Variants in MRC1 observed in about 807,000 individuals in gnomAD.
The protein encoded by MRC1 is mannose receptor C-type 1.
Under a neutral mutation model 102.9 loss-of-function variants are expected in MRC1, and 62 were observed. That is an observed-to-expected ratio of 0.60 (90% CI 0.49 to 0.74). The LOEUF (loss-of-function observed/expected upper bound fraction) is 0.74, where lower values mean the gene tolerates loss of function less well. Among genes scored for constraint, MRC1 ranks in the 30% least tolerant of loss-of-function variants. The pLI, the probability that MRC1 is intolerant of heterozygous loss-of-function variation, is 0.00. For synonymous variants in MRC1, 457 were observed against 298.4 expected (o/e 1.53, Z -5.48); for missense variants, 1,237 against 862.8 (o/e 1.43, Z -5.43).
At chr10:17,810,230 C>T (rs1302073312) in intron 1 of MRC1, among the ~76,000 whole-genome samples, 1 of 152,152 alleles carries the variant, frequency 6.6e-6, no homozygotes, top group Non-Finnish European at 1.5e-5. Flanking sequence ...TTCTATTTCT[C>T]TATACTCAGT....
intron 3 of MRC1, among the ~76,000 whole-genome samples, chr10:17,832,091 A>G (rs1838582878): frequency 6.6e-6 from 1 of 151,554 alleles, no homozygotes; most frequent in Admixed American, 6.6e-5. Flanking sequence ...GAGCGATAGG[A>G]CCTCAGGTGC....
chr10:17,910,576 T>C lies in MRC1; in HGVS notation c.*111T>C, dbSNP rs1044312360. On this transcript the variant is annotated 3_prime_UTR_variant, in exon 30 of 30. Transcript: ENST00000569591. The stretch of plus-strand genomic sequence containing the variant: ...TAAAATGAGTACTGAATTGTACTGG[T>C]CTGTCCTTTTTTCCTTTGCCTAATT... The C allele has an allele frequency of 3.6e-4, 270 of 748,080 alleles. No individual in the cohort carries two copies. The highest frequency in any genetic ancestry group is 1.8e-3 in the Admixed American group (96 of 53,364). The allele number at this position is 748,080 out of a possible 1,614,324, so 46.3% of individuals were successfully genotyped here.
At chr10:17,901,689 C>CAA (rs35703196) in intron 25 of MRC1, among the ~76,000 whole-genome samples, 20 of 136,944 alleles carry the variant, frequency 1.5e-4, no homozygotes, top group African/African-American at 2.2e-4. Context: ...GACTTCGTCT[C>CAA]AAAAAAAAAA....
intron 1 of MRC1, among the ~76,000 whole-genome samples, chr10:17,822,642 A>C (rs1838413543): frequency 6.6e-6 from 1 of 152,110 alleles, no homozygotes; most frequent in Non-Finnish European, 1.5e-5. Flanking sequence ...AAACAAACAC[A>C]CACCTTTTCT....
At chr10:17,850,342 G>A (rs1838895943) in intron 7 of MRC1, among the ~76,000 whole-genome samples, 1 of 147,074 alleles carries the variant, frequency 6.8e-6, no homozygotes, top group Non-Finnish European at 1.5e-5. Flanking sequence ...GCTCATGCCT[G>A]TAATCCCACC....
chr10:17,827,912 G>A (rs1307311461), intron 3 of MRC1, among the ~76,000 whole-genome samples, 197 bp downstream of exon 3: 4 of 152,176 alleles, frequency 2.6e-5, no homozygotes, highest in Admixed American at 2.6e-4. Flanking sequence ...CTGAAGACTA[G>A]AACACAGATG....
chr10:17,906,012 A>T (rs1833889909), intron 26 of MRC1, among the ~76,000 whole-genome samples: 1 of 152,214 alleles, frequency 6.6e-6, no homozygotes, highest in African/African-American at 2.4e-5. Context: ...CTAAAATTTA[A>T]TGTTGACAAT....
intron 1 of MRC1, among the ~76,000 whole-genome samples, chr10:17,822,084 T>C (rs1280307977): frequency 6.6e-6 from 1 of 152,230 alleles, no homozygotes; most frequent in Non-Finnish European, 1.5e-5. Flanking sequence ...TTTTCCTCTT[T>C]TGCAAGAGGA....
chr10:17,844,793 G>C (rs921311539), intron 5 of MRC1, among the ~76,000 whole-genome samples: 1 of 151,974 alleles, frequency 6.6e-6, no homozygotes, highest in South Asian at 2.1e-4. Context: ...ATGAGTACTC[G>C]GTATTTAGCT....
chr10:17,847,726 G>T (rs1344565872), intron 6 of MRC1, among the ~76,000 whole-genome samples: 1 of 152,218 alleles, frequency 6.6e-6, no homozygotes, highest in Non-Finnish European at 1.5e-5. Flanking sequence ...ATCATCTTCT[G>T]TGGCTGCCCC....
intron 5 of MRC1, among the ~76,000 whole-genome samples, chr10:17,842,572 T>C (rs982173051): frequency 6.6e-6 from 1 of 152,180 alleles, no homozygotes; most frequent in Non-Finnish European, 1.5e-5. Flanking sequence ...TTTTTGTGCG[T>C]GAAAATTTAG....
At chr10:17,853,228 A>C (rs982454887) in intron 8 of MRC1, 104 bp downstream of exon 8, 4 of 742,290 alleles carry the variant, frequency 5.4e-6, no homozygotes, top group Non-Finnish European at 1.0e-5. Flanking sequence ...TTTATTCTAC[A>C]TAAATTGGCA....
At chr10:17,899,207 T>G (rs1347211129) in intron 24 of MRC1, among the ~76,000 whole-genome samples, 2 of 152,098 alleles carry the variant, frequency 1.3e-5, no homozygotes, top group Non-Finnish European at 2.9e-5. Flanking sequence ...ATTTATACAA[T>G]GAGTATTTCC....
intron 9 of MRC1, 92 bp from the exon 10 acceptor site, chr10:17,861,295 A>G: frequency 6.2e-6 from 4 of 646,650 alleles, no homozygotes; most frequent in East Asian, 3.0e-5. Flanking sequence ...CCTGGGCGAC[A>G]AGAGCAAAAC....
chr10:17,879,614 C>G, intron 18 of MRC1, 107 bp from the exon 19 acceptor site: 1 of 779,164 alleles, frequency 1.3e-6, no homozygotes, highest in Non-Finnish European at 2.4e-6. Flanking sequence ...CCACTCGCCT[C>G]GGCCTCCCAT....
intron 10 of MRC1, among the ~76,000 whole-genome samples, chr10:17,863,258 AG>A (rs1440574286): frequency 6.6e-6 from 1 of 152,194 alleles, no homozygotes; most frequent in African/African-American, 2.4e-5. Context: ...TTTTGAGAAT[AG>A]GCAGAGGGGC....
At chr10:17,879,657 C>G in intron 18 of MRC1, 64 bp from the exon 19 acceptor site, 1 of 780,768 alleles carries the variant, frequency 1.3e-6, no homozygotes, top group Non-Finnish European at 2.4e-6. Flanking sequence ...GCCACTGCTC[C>G]TGGCCTGTAT....
Position 17,853,208 on chromosome 10 carries a change from T to A in MRC1, c.1407+84T>A, listed in dbSNP as rs1284995083. On this transcript the variant is annotated intron_variant, in intron 8 of 29. Transcript: ENST00000569591. ...GTCCCAGTCAGTTACATATGTTTGTTTAGATTGTTTTTATTCTACATAAAT... is the reference window on the plus strand; with the variant it reads ...GTCCCAGTCAGTTACATATGTTTGTATAGATTGTTTTTATTCTACATAAAT... 23 of 762,042 alleles carry A rather than the reference T, an allele frequency of 3.0e-5. No individual in the cohort carries two copies. In the Admixed American group the frequency reaches 4.0e-4, roughly 13 times the overall value. The allele number at this position is 762,042 out of a possible 1,614,324, so 47.2% of individuals were successfully genotyped here. A position where few individuals can be genotyped will look rare whatever the true frequency, so the allele number is the denominator to read the frequency against.
At chr10:17,818,525 T>C (rs938398664) in intron 1 of MRC1, among the ~76,000 whole-genome samples, 46 of 152,302 alleles carry the variant, frequency 3.0e-4, no homozygotes, top group African/African-American at 1.1e-3. Flanking sequence ...ATGTTGACAC[T>C]TGGCTGGGCG....
Sources: gnomAD v4.1 joint callset for allele counts (sites outside exome capture counted in the v4.1 genomes callset) on GRCh38, gnomAD v4.1.1 for gene constraint, MANE v1.5 for transcripts, NCBI Gene and HGNC (gene_info 2026-07-23, HGNC 2026-07-21) for gene names.